ANKS1A: variants seen among roughly 807,000 people sequenced by gnomAD.
ANKS1A encodes ankyrin repeat and SAM domain-containing protein 1A.
ANKS1A carries 55 observed loss-of-function variants against 120.3 expected under a neutral mutation model. That is an observed-to-expected ratio of 0.46 (90% CI 0.37 to 0.57). The LOEUF is 0.57. ANKS1A is among the 20% of genes least tolerant of loss of function. ANKS1A has a pLI of 0.00. For synonymous variants in ANKS1A, 590 were observed against 604.7 expected, an observed-to-expected ratio of 0.98 and a Z score of 0.36; for missense variants, 1,123 against 1,480.3, an observed-to-expected ratio of 0.76 and a Z score of 3.96.
At chr6:34,980,827 A>G (rs897118116) in intron 3 of ANKS1A, among the ~76,000 whole-genome samples, 3 of 152,344 alleles carry the variant, frequency 2.0e-5, no homozygotes, top group South Asian at 2.1e-4. Flanking sequence ...AAAGCACACA[A>G]TTCTCCCATT....
In ANKS1A at chr6:34,938,481, C is replaced by T. The variant is rs139477583; in HGVS notation, c.198-28758C>T. Among the ~76,000 whole-genome samples the T allele has an allele frequency of 2.7e-3, 413 of 152,344 alleles. 1 individual carries two copies. Among genetic ancestry groups the T allele is most frequent in the African/African-American group, 9.2e-3 (383 of 41,590 alleles). Reference sequence around the variant, plus strand: ...AGTGGATAAATGTGTGTGTGTGTCACGTGCCACTAGTGGCCATGGCTCTGT... The same window carrying T: ...AGTGGATAAATGTGTGTGTGTGTCATGTGCCACTAGTGGCCATGGCTCTGT... On this transcript the variant is annotated intron_variant, in intron 1 of 23. Coordinates refer to ENST00000360359, the MANE Select transcript of ANKS1A (RefSeq NM_015245.3).
At chr6:34,969,238 G>A (rs987451825) in intron 2 of ANKS1A, among the ~76,000 whole-genome samples, 4 of 152,072 alleles carry the variant, frequency 2.6e-5, no homozygotes, top group African/African-American at 9.7e-5. Context: ...GCTTACTTTT[G>A]CAATAACTAT....
chr6:34,967,201 T>C (rs753739794), intron 1 of ANKS1A, 38 bp from the exon 2 acceptor site: 2 of 1,601,654 alleles, frequency 1.2e-6, no homozygotes, highest in Non-Finnish European at 1.7e-6. Context: ...CTTCGGTCTG[T>C]GAAATCTATG....
rs1775601871 is a variant in ANKS1A at position 35,044,010 on chromosome 6, T to C, written c.2011-10089T>C. On this transcript the variant is annotated intron_variant, in intron 11 of 23. Coordinates refer to ENST00000360359, the MANE Select transcript of ANKS1A (RefSeq NM_015245.3). This position sits in a 1 kb window ranked among gnomAD's most constrained non-coding sequence, Gnocchi z 4.4. ...TCTCTTCGAAGTACTTACTTGGTTG[T>C]CACAGAAAGGTTCTTTTACACTGGT... 6.6e-6 allele frequency among the ~76,000 whole-genome samples: 1 copy of C among 152,234 alleles called. No individual in the cohort carries two copies. Among genetic ancestry groups the C allele is most frequent in the African/African-American group, 2.4e-5 (1 of 41,460 alleles).
chr6:34,926,306 G>C (rs1267997188), intron 1 of ANKS1A, among the ~76,000 whole-genome samples: 1 of 152,192 alleles, frequency 6.6e-6, no homozygotes. Context: ...TCTCTGGGTG[G>C]CAGCAGCATG....
At chr6:35,025,038 A>G (rs1774544411) in intron 11 of ANKS1A, among the ~76,000 whole-genome samples, 1 of 152,120 alleles carries the variant, frequency 6.6e-6, no homozygotes. Context: ...TGGAGTGTCT[A>G]TTTAAGTTGT....
Position 34,982,141 on chromosome 6 carries a change from G to C in ANKS1A, c.732+155G>C, listed in dbSNP as rs935346059. On this transcript the variant is annotated intron_variant, in intron 4 of 23. Transcript: ENST00000360359. The surrounding 1 kb of genome is among the most constrained non-coding windows in gnomAD (Gnocchi z 4.9). Reference sequence around the variant, plus strand: ...CCGACTCATTCTAATGTGACACTAAGAAACAAATGAACTCCTCAAGCAAGT... The same window carrying C: ...CCGACTCATTCTAATGTGACACTAACAAACAAATGAACTCCTCAAGCAAGT... 6.6e-5 allele frequency among the ~76,000 whole-genome samples: 10 copies of C among 152,138 alleles called. No homozygotes were observed. Among genetic ancestry groups the C allele is most frequent in the African/African-American group, 2.4e-4 (10 of 41,406 alleles).
At chr6:35,014,823 G>A (rs565480492) in intron 10 of ANKS1A, among the ~76,000 whole-genome samples, 17 of 152,278 alleles carry the variant, frequency 1.1e-4, no homozygotes, top group Admixed American at 7.8e-4. Flanking sequence ...GTAGGAAGTC[G>A]GCTATTAGAA....
In ANKS1A at chr6:34,975,753, CAA is replaced by C. The variant is rs34615082; in HGVS notation, c.435+5596_435+5597del. 3.4e-5 allele frequency among the ~76,000 whole-genome samples: 5 copies of C among 147,650 alleles called. No homozygotes were observed. The East Asian group carries it at 5.9e-4, about 17-fold the overall frequency. Reference sequence around the variant, plus strand: ...TGGGCAACAGAGTGAGACCCTGTCTCAAAAAAAAAATAATAATAATAATAGAA... The same window carrying C: ...TGGGCAACAGAGTGAGACCCTGTCTCAAAAAAAATAATAATAATAATAGAA... On this transcript the variant is annotated intron_variant, in intron 3 of 23. Coordinates refer to ENST00000360359, the MANE Select transcript of ANKS1A (RefSeq NM_015245.3).
rs1561897068 is a variant in ANKS1A, at chr6:34,991,735, TATATATAC to T, written c.1302+2429_1302+2436del. Among the ~76,000 whole-genome samples, 12 of 31,460 alleles carry T rather than the reference TATATATAC, an allele frequency of 3.8e-4. No homozygotes were observed. The East Asian group carries it at 0.01, about 27-fold the overall frequency. 20.6% of individuals were successfully genotyped at this position (31,460 alleles called of 152,430 possible). The stretch of plus-strand genomic sequence containing the variant: ...ACACATATATATACATATATACACA[TATATATAC>T]ATATATACACACATATATATATACA... On this transcript the variant is annotated intron_variant, in intron 9 of 23. Coordinates refer to ENST00000360359, the MANE Select transcript of ANKS1A (RefSeq NM_015245.3).
chr6:35,022,714 C>T (rs1418353893), intron 11 of ANKS1A, among the ~76,000 whole-genome samples: 4 of 152,158 alleles, frequency 2.6e-5, no homozygotes, highest in African/African-American at 9.7e-5. Context: ...TAAAAATATA[C>T]AGATAAGGAG....
rs577620428 is a variant in ANKS1A, at chr6:35,050,205, G to T, written c.2011-3894G>T. 1.2e-3 allele frequency among the ~76,000 whole-genome samples: 185 copies of T among 152,362 alleles called. 1 individual carries two copies. Among genetic ancestry groups the T allele is most frequent in the African/African-American group, 4.3e-3 (179 of 41,590 alleles). ...TACACAGCCCTGGCAGGGAAAAATA[G>T]TCTAAACAGAGTCGTCCTGAAAACT... is the stretch of plus-strand genomic sequence containing the variant. On this transcript the variant is annotated intron_variant, in intron 11 of 23. Coordinates refer to ENST00000360359, the MANE Select transcript of ANKS1A (RefSeq NM_015245.3). The surrounding 1 kb of genome is among the most constrained non-coding windows in gnomAD (Gnocchi z 4.3).
intron 7 of ANKS1A, among the ~76,000 whole-genome samples, chr6:34,984,860 G>C (rs1439993335): frequency 6.6e-6 from 1 of 152,112 alleles, no homozygotes; most frequent in African/African-American, 2.4e-5. Context: ...GATGTCAATG[G>C]TTTTTCATAT....
intron 3 of ANKS1A, 30 bp from the exon 4 acceptor site, chr6:34,981,660 T>G: frequency 6.2e-7 from 1 of 1,604,426 alleles, no homozygotes; most frequent in Non-Finnish European, 8.5e-7. Flanking sequence ...CAGTGACCTT[T>G]CTGATGTGAT....
At position 35,029,101 on chromosome 6, in the gene ANKS1A, A is replaced by G. The variant is rs1192755529; in HGVS notation, c.2010+11042A>G. 4.0e-5 allele frequency among the ~76,000 whole-genome samples: 6 copies of G among 151,502 alleles called. No individual in the cohort carries two copies. In the East Asian group the frequency reaches 1.2e-3, roughly 29 times the overall value. On this transcript the variant is annotated intron_variant, in intron 11 of 23. Coordinates refer to ENST00000360359, the MANE Select transcript of ANKS1A (RefSeq NM_015245.3). ...AAGTGTGTTTCTTATTATGAGTGAC[A>G]TTGGCATCTCTTTATATGTTTACAA...
intron 10 of ANKS1A, among the ~76,000 whole-genome samples, chr6:35,000,004 T>C (rs1711662580): frequency 2.0e-5 from 3 of 151,962 alleles, no homozygotes; most frequent in Admixed American, 2.0e-4. Flanking sequence ...AATATACAAG[T>C]ACTTAAGAAA....
At chr6:34,942,856 T>G (rs1769599055) in intron 1 of ANKS1A, among the ~76,000 whole-genome samples, 1 of 151,978 alleles carries the variant, frequency 6.6e-6, no homozygotes, top group Non-Finnish European at 1.5e-5. Flanking sequence ...TTCTTTTCTT[T>G]TCTTTTTTCT....
chr6:34,999,886 AAGAGAAAGAGAGAC>A (rs983002834), intron 10 of ANKS1A, among the ~76,000 whole-genome samples: 1 of 152,108 alleles, frequency 6.6e-6, no homozygotes, highest in Non-Finnish European at 1.5e-5. Flanking sequence ...GAGTCAAGAA[AAGAGAAAGAGAGAC>A]AGAGAAAGAG....
In ANKS1A at chr6:34,971,969, G is replaced by A. The variant is rs187749892; in HGVS notation, c.435+1803G>A. 2.6e-5 allele frequency among the ~76,000 whole-genome samples: 4 copies of A among 152,320 alleles called. No individual in the cohort carries two copies. The East Asian group carries it at 7.7e-4, about 29-fold the overall frequency. On this transcript the variant is annotated intron_variant, in intron 3 of 23. Coordinates refer to ENST00000360359, the MANE Select transcript of ANKS1A (RefSeq NM_015245.3). ...TTAGAATTACTTCTTTAGAATCTAA[G>A]TGCAATTTTACTCCTTCTAGCTAAA...
Sources: gnomAD v4.1 joint callset for allele counts (sites outside exome capture counted in the v4.1 genomes callset) on GRCh38, gnomAD v4.1.1 for gene constraint, Gnocchi (gnomAD v3.1) non-coding constraint, MANE v1.5 for transcripts, NCBI Gene and HGNC (gene_info 2026-07-23, HGNC 2026-07-21) for gene names.